Variants in PSMD1 observed in about 807,000 individuals in gnomAD.
PSMD1 encodes the protein 26S proteasome non-ATPase regulatory subunit 1.
PSMD1 carries 18 observed loss-of-function variants against 119.0 expected under a neutral mutation model. The ratio of observed to expected loss-of-function variants is 0.15; its 90% CI spans 0.10 to 0.22. PSMD1 has a LOEUF of 0.22. PSMD1 is among the 10% of genes least tolerant of loss of function. The probability of loss-of-function intolerance (pLI) is 1.00; values close to 1 mark genes in which losing one functional copy is unlikely to be tolerated. For missense variants in PSMD1, 702 were observed against 1,158.5 expected, an observed-to-expected ratio of 0.61 and a Z score of 5.72; for synonymous variants, 374 against 396.6, an observed-to-expected ratio of 0.94 and a Z score of 0.68.
chr2:231,077,812 A>T (rs1292776769), intron 9 of PSMD1, among the ~76,000 whole-genome samples: 1 of 152,202 alleles, frequency 6.6e-6, no homozygotes, highest in Non-Finnish European at 1.5e-5. Flanking sequence ...TTATAGCCAT[A>T]TATTATTGAA....
At chr2:231,128,994 C>G (rs1018883633) in intron 16 of PSMD1, among the ~76,000 whole-genome samples, 2 of 152,150 alleles carry the variant, frequency 1.3e-5, no homozygotes, top group Non-Finnish European at 2.9e-5. Context: ...GTCCTTTAAT[C>G]AAAAGACTGC....
chr2:231,123,644 C>G, intron 16 of PSMD1: 1 of 1,614,024 alleles, frequency 6.2e-7, no homozygotes. Context: ...TTCATTTCCT[C>G]TGGTATTGAT....
intron 17 of PSMD1, among the ~76,000 whole-genome samples, chr2:231,145,849 C>T (rs1366449235): frequency 4.4e-5 from 6 of 135,976 alleles, no homozygotes; most frequent in African/African-American, 1.4e-4. Context: ...GCCAAGATCG[C>T]GCCATTGCAC....
chr2:231,068,609 C>T (rs565435669), intron 5 of PSMD1, among the ~76,000 whole-genome samples: 54 of 152,274 alleles, frequency 3.5e-4, no homozygotes, highest in Non-Finnish European at 6.5e-4. Flanking sequence ...ACTAGCACAA[C>T]GAAATCTCTC....
chr2:231,093,063 T>C (rs1367043011), intron 16 of PSMD1, among the ~76,000 whole-genome samples: 1 of 152,080 alleles, frequency 6.6e-6, no homozygotes, highest in African/African-American at 2.4e-5. Flanking sequence ...AGTTATGTTA[T>C]TAGAGGTTGG....
chr2:231,168,853 T>A (rs1278683449), intron 23 of PSMD1, among the ~76,000 whole-genome samples: 8 of 152,234 alleles, frequency 5.3e-5, no homozygotes, highest in Admixed American at 4.6e-4. Flanking sequence ...CTCACTCCCC[T>A]ACCCTCAGTG....
At chr2:231,061,811 C>T (rs1183872096) in intron 2 of PSMD1, among the ~76,000 whole-genome samples, 1 of 152,088 alleles carries the variant, frequency 6.6e-6, no homozygotes, top group Non-Finnish European at 1.5e-5. Flanking sequence ...CTCAAGTGAT[C>T]CCCCCGCCTT....
intron 16 of PSMD1, among the ~76,000 whole-genome samples, chr2:231,118,285 T>G (rs2125223144): frequency 2.6e-5 from 4 of 152,264 alleles, no homozygotes; most frequent in Admixed American, 2.6e-4. Context: ...AACTCAACCA[T>G]GAAAACACTC....
intron 16 of PSMD1, among the ~76,000 whole-genome samples, chr2:231,098,257 A>T (rs749580812): frequency 3.3e-5 from 5 of 152,248 alleles, no homozygotes; most frequent in Non-Finnish European, 7.3e-5. Flanking sequence ...ACTGACAACA[A>T]GGTGGTATTG....
chr2:231,065,762 C>A (rs891509653), intron 4 of PSMD1, among the ~76,000 whole-genome samples: 2 of 152,166 alleles, frequency 1.3e-5, no homozygotes, highest in African/African-American at 4.8e-5. Context: ...ATGTCACACC[C>A]TCCCCTCCAT....
intron 9 of PSMD1, among the ~76,000 whole-genome samples, chr2:231,078,191 C>G (rs1426023587): frequency 6.6e-6 from 1 of 152,146 alleles, no homozygotes; most frequent in East Asian, 1.9e-4. Context: ...TCGCTTGAAC[C>G]CAGGAGGTGG....
chr2:231,158,047 A>G (rs565822897), intron 19 of PSMD1, among the ~76,000 whole-genome samples: 1 of 152,046 alleles, frequency 6.6e-6, no homozygotes, highest in African/African-American at 2.4e-5. Context: ...TTAGTGGCTA[A>G]CACCTGTAAT....
intron 10 of PSMD1, among the ~76,000 whole-genome samples, chr2:231,079,132 G>A (rs1194385940): frequency 1.3e-5 from 2 of 152,096 alleles, no homozygotes; most frequent in African/African-American, 4.8e-5. Context: ...TAACATTGTT[G>A]TAGAGATGTT....
At chr2:231,086,099 A>C (rs1450775036) in intron 15 of PSMD1, among the ~76,000 whole-genome samples, 1 of 151,622 alleles carries the variant, frequency 6.6e-6, no homozygotes, top group African/African-American at 2.4e-5. Flanking sequence ...GGAGCGCAGT[A>C]GCACAATCAC....
At chr2:231,150,152 T>G (rs914959611) in intron 18 of PSMD1, among the ~76,000 whole-genome samples, 1 of 152,076 alleles carries the variant, frequency 6.6e-6, no homozygotes, top group Non-Finnish European at 1.5e-5. Flanking sequence ...AAGACCAGCA[T>G]GGACAACATA....
chr2:231,158,244 A>G (rs1696556570), intron 19 of PSMD1, among the ~76,000 whole-genome samples: 1 of 152,084 alleles, frequency 6.6e-6, no homozygotes, highest in Non-Finnish European at 1.5e-5. Flanking sequence ...CTGGAGGTGA[A>G]GGTTGCAGTG....
At chr2:231,087,236 G>T (rs1694475053) in intron 16 of PSMD1, 55 bp downstream of exon 16, 2 of 1,462,458 alleles carry the variant, frequency 1.4e-6, no homozygotes, top group Non-Finnish European at 1.9e-6. Context: ...TGGAAATGTA[G>T]TAGTCACTAC....
chr2:231,159,904 C>T (rs763179456), intron 19 of PSMD1, among the ~76,000 whole-genome samples: 2 of 152,220 alleles, frequency 1.3e-5, no homozygotes, highest in African/African-American at 2.4e-5. Context: ...AGATCCCTCG[C>T]GTGCGCGGTT....
chr2:231,063,432 C>A (rs771281141), intron 4 of PSMD1, among the ~76,000 whole-genome samples: 7 of 152,200 alleles, frequency 4.6e-5, no homozygotes, highest in Non-Finnish European at 1.0e-4. Context: ...ACAGAGAGCT[C>A]AAGGGCATGT....
Sources: allele counts gnomAD v4.1 joint callset (sites outside exome capture counted in the v4.1 genomes callset), GRCh38; gene constraint gnomAD v4.1.1; transcripts MANE v1.5; gene names NCBI Gene and HGNC (gene_info 2026-07-23, HGNC 2026-07-21).